IMPG1: variants seen among roughly 807,000 people sequenced by gnomAD.
IMPG1 encodes interphotoreceptor matrix proteoglycan of 150 kDa.
Under a neutral mutation model 92.0 loss-of-function variants are expected in IMPG1, and 85 were observed. The ratio of observed to expected loss-of-function variants is 0.92; its 90% CI spans 0.78 to 1.11. The LOEUF (loss-of-function observed/expected upper bound fraction) is 1.11. IMPG1 is among the 50% of genes least tolerant of loss of function. IMPG1 has a pLI of 0.00. For synonymous variants in IMPG1, 367 were observed against 334.1 expected, an observed-to-expected ratio of 1.10 and a Z score of -1.08; for missense variants, 1,022 against 956.0, an observed-to-expected ratio of 1.07 and a Z score of -0.91.
chr6:76,003,892 A>C lies in IMPG1; in HGVS notation c.1194T>G (p.Ser398=), dbSNP rs762387429. The change falls in exon 11 of 17, where the codon TCT becomes TCG. Residue 398 remains serine (S), a synonymous_variant. Transcript: ENST00000369950. ...GPDTQSELPT[S]FAVITEDATL... is the part of the protein sequence containing the mutation. ...AACTTACCTCTGTTATAACAGCAAAAGATGTGGGCAGCTCTGATTGGGTGT... is the reference window on the plus strand; with the variant it reads ...AACTTACCTCTGTTATAACAGCAAACGATGTGGGCAGCTCTGATTGGGTGT... 6.2e-7 allele frequency: 1 copy of C among 1,612,782 alleles called. No homozygotes were observed. The highest frequency in any genetic ancestry group is 1.7e-5 in the Admixed American group (1 of 59,616).
chr6:75,970,567 C>T (rs1782394612), intron 12 of IMPG1, among the ~76,000 whole-genome samples: 1 of 152,156 alleles, frequency 6.6e-6, no homozygotes, highest in African/African-American at 2.4e-5. Flanking sequence ...AGTTTATAAT[C>T]AGCCCTTATA....
In IMPG1 at chr6:76,003,014, C is replaced by T; in HGVS notation, c.1213-18G>A. ...GTAGCATCCTGAAGAATGAATTTTG[C>T]AAGACAGATGTTGAGAAAGGATGTT... On this transcript the variant is annotated intron_variant, in intron 11 of 16. Transcript: ENST00000369950. The T allele has an allele frequency of 6.3e-7, 1 of 1,583,370 alleles. No individual in the cohort carries two copies. The highest frequency in any genetic ancestry group is 1.3e-5 in the African/African-American group (1 of 74,386).
intron 15 of IMPG1, among the ~76,000 whole-genome samples, chr6:75,924,607 T>TATAATTATATATTATATATAA (rs1781501426): frequency 5.3e-5 from 2 of 37,652 alleles, no homozygotes; most frequent in African/African-American, 1.9e-4. Flanking sequence ...ATATAATTAA[T>TATAATTATATATTATATATAA]TATATATAAT....
chr6:75,996,182 T>C (rs1262041718), intron 12 of IMPG1, among the ~76,000 whole-genome samples: 1 of 152,146 alleles, frequency 6.6e-6, no homozygotes, highest in Non-Finnish European at 1.5e-5. Context: ...ATGGGACCCC[T>C]GGGGAAATCA....
intron 4 of IMPG1, among the ~76,000 whole-genome samples, chr6:76,027,216 G>C (rs1164150622): frequency 1.3e-5 from 2 of 152,172 alleles, no homozygotes; most frequent in Non-Finnish European, 2.9e-5. Context: ...AACTATGCAG[G>C]TCAGATGCAA....
chr6:76,026,487 T>G (rs1474489062), intron 4 of IMPG1, among the ~76,000 whole-genome samples: 1 of 152,138 alleles, frequency 6.6e-6, no homozygotes, highest in Non-Finnish European at 1.5e-5. Flanking sequence ...AAAGGAGCAG[T>G]GAGCAGCAGC....
chr6:76,059,580 T>A (rs1172151789), intron 1 of IMPG1, among the ~76,000 whole-genome samples: 3 of 152,076 alleles, frequency 2.0e-5, no homozygotes, highest in Non-Finnish European at 4.4e-5. Context: ...GAGTTAATAG[T>A]AAAAACCACA....
chr6:76,053,198 A>G (rs766065237), intron 1 of IMPG1, among the ~76,000 whole-genome samples: 7 of 152,234 alleles, frequency 4.6e-5, no homozygotes, highest in Non-Finnish European at 7.3e-5. Flanking sequence ...ACAGGTTACC[A>G]TAAGAGAATC....
chr6:75,924,470 TATA>T (rs1781488101), intron 15 of IMPG1, among the ~76,000 whole-genome samples: 1 of 103,910 alleles, frequency 9.6e-6, no homozygotes, highest in Admixed American at 1.6e-4. Context: ...ATAATATAAA[TATA>T]ATTATATATT....
At chr6:75,994,917 G>A (rs1006131597) in intron 12 of IMPG1, among the ~76,000 whole-genome samples, 3 of 152,196 alleles carry the variant, frequency 2.0e-5, no homozygotes, top group Admixed American at 6.5e-5. Flanking sequence ...GCATCTCCTA[G>A]GATGTGCTCA....
At chr6:76,001,723 G>A (rs1445097979) in intron 12 of IMPG1, among the ~76,000 whole-genome samples, 1 of 152,184 alleles carries the variant, frequency 6.6e-6, no homozygotes, top group East Asian at 1.9e-4. Context: ...GACACAACAT[G>A]GAGCAGAGAA....
At position 76,041,966 on chromosome 6, in the gene IMPG1, C is replaced by A. The variant is rs372049150; in HGVS notation, c.228G>T (p.Thr76=). ...HRTKRSAFFP[T]GVKVCPQESM... is the part of the protein sequence containing the mutation. ...ATTCCTGTGGACAGACTTTAACCCC[C>A]GTTGGGAAAAATGCGGATCTTTTTG... The change falls in exon 2 of 17, where the codon ACG becomes ACT. Residue 76 remains threonine (T), a synonymous_variant. Coordinates refer to ENST00000369950, the MANE Select transcript of IMPG1 (RefSeq NM_001563.4). 6.2e-7 allele frequency: 1 copy of A among 1,613,966 alleles called. No homozygotes were observed. Among genetic ancestry groups the A allele is most frequent in the South Asian group, 1.1e-5 (1 of 91,074 alleles).
At chr6:75,973,742 C>G (rs1017444686) in intron 12 of IMPG1, among the ~76,000 whole-genome samples, 2 of 152,142 alleles carry the variant, frequency 1.3e-5, no homozygotes, top group Non-Finnish European at 2.9e-5. Context: ...ACAGACTTAG[C>G]CTTTGTCTTC....
intron 2 of IMPG1, among the ~76,000 whole-genome samples, chr6:76,036,581 T>C (rs1033977134): frequency 6.6e-6 from 1 of 152,350 alleles, no homozygotes; most frequent in African/African-American, 2.4e-5. Context: ...TTTTAATTTA[T>C]GTTCATATTT....
At chr6:76,062,766 C>G (rs1485428632) in intron 1 of IMPG1, among the ~76,000 whole-genome samples, 1 of 151,608 alleles carries the variant, frequency 6.6e-6, no homozygotes, top group South Asian at 2.1e-4. Context: ...TAATATAGAC[C>G]TCAATAATTG....
intron 5 of IMPG1, among the ~76,000 whole-genome samples, chr6:76,024,379 T>C (rs1783485927): frequency 7.6e-6 from 1 of 130,870 alleles, no homozygotes; most frequent in Non-Finnish European, 1.7e-5. Flanking sequence ...TTTTATTGTG[T>C]ATATTTAAAA....
intron 1 of IMPG1, among the ~76,000 whole-genome samples, chr6:76,067,782 A>G (rs1409223796): frequency 6.6e-6 from 1 of 152,154 alleles, no homozygotes; most frequent in East Asian, 1.9e-4. Context: ...AGATGCAAAA[A>G]TCCTCAACAA....
Position 76,034,476 on chromosome 6 carries a change from A to AAAT in IMPG1, c.469-136_469-134dup, listed in dbSNP as rs1170716018. The AAAT allele has an allele frequency of 3.3e-6, 4 of 1,222,586 alleles. No individual in the cohort carries two copies. In the African/African-American group the frequency reaches 6.1e-5, roughly 19 times the overall value. The allele number at this position is 1,222,586 out of a possible 1,614,324, so 75.7% of individuals were successfully genotyped here. A position where few individuals can be genotyped will look rare whatever the true frequency, so the allele number is the denominator to read the frequency against. ...TGTACCATATTATTTTGCAAGAATAAAATTTCTATTGGCCTAATCAGATAC... is the reference window on the plus strand; with the variant it reads ...TGTACCATATTATTTTGCAAGAATAAAATAATTTCTATTGGCCTAATCAGATAC... On this transcript the variant is annotated intron_variant, in intron 3 of 16. Coordinates refer to ENST00000369950, the MANE Select transcript of IMPG1 (RefSeq NM_001563.4).
intron 14 of IMPG1, chr6:75,934,828 C>A: frequency 2.5e-6 from 1 of 399,690 alleles, no homozygotes; most frequent in Admixed American, 2.6e-5. Flanking sequence ...TTGTCCTGCT[C>A]TTGCCGCATG....
Sources: gnomAD v4.1 joint callset for allele counts (sites outside exome capture counted in the v4.1 genomes callset) on GRCh38, gnomAD v4.1.1 for gene constraint, MANE v1.5 for transcripts, NCBI Gene and HGNC (gene_info 2026-07-23, HGNC 2026-07-21) for gene names.